PIK3C2G: variants seen among roughly 807,000 people sequenced by gnomAD.
The protein encoded by PIK3C2G is phosphatidylinositol 3-kinase C2 domain-containing subunit gamma.
Under a neutral mutation model 181.1 loss-of-function variants are expected in PIK3C2G, and 168 were observed. The ratio of observed to expected loss-of-function variants is 0.93; its 90% CI spans 0.82 to 1.05. The LOEUF is 1.05. PIK3C2G is among the 50% of genes least tolerant of loss of function. The probability of loss-of-function intolerance (pLI) is 0.00; values close to 1 mark genes in which losing one functional copy is unlikely to be tolerated. For missense variants in PIK3C2G, 1,869 were observed against 1,732.8 expected (o/e 1.08, Z -1.40); for synonymous variants, 573 against 592.2 (o/e 0.97, Z 0.47).
intron 24 of PIK3C2G, among the ~76,000 whole-genome samples, chr12:18,509,345 G>A (rs73064246): frequency 0.063 from 9,546 of 152,282 alleles, 407 homozygotes; most frequent in Middle Eastern, 0.13. Context: ...ACTGCACCCA[G>A]TTACAAAATA....
At chr12:18,683,399 C>A in the PIK3C2G span, 9 of 1,510,984 alleles carry the variant, frequency 6.0e-6, no homozygotes, top group South Asian at 1.1e-5. Context: ...TGCTGAGAAA[C>A]AAGAGCTCTT....
At chr12:18,279,424 G>A (rs1325614487) in intron 1 of PIK3C2G, among the ~76,000 whole-genome samples, 1 of 151,842 alleles carries the variant, frequency 6.6e-6, no homozygotes, top group African/African-American at 2.4e-5. Flanking sequence ...ATCTTTAATT[G>A]CATTATCAGA....
intron 1 of PIK3C2G, among the ~76,000 whole-genome samples, chr12:18,280,996 T>C (rs1434422551): frequency 2.0e-5 from 3 of 151,876 alleles, no homozygotes; most frequent in Admixed American, 2.0e-4. Context: ...GCTGCGTGAA[T>C]AATTGGGTCA....
At chr12:18,547,557 G>T (rs548077398) in intron 26 of PIK3C2G, among the ~76,000 whole-genome samples, 1 of 152,106 alleles carries the variant, frequency 6.6e-6, no homozygotes, top group African/African-American at 2.4e-5. Flanking sequence ...AAGAAACAGT[G>T]TCTGGTCCCT....
intron 18 of PIK3C2G, among the ~76,000 whole-genome samples, chr12:18,464,154 C>T (rs183038081): frequency 1.3e-5 from 2 of 152,142 alleles, no homozygotes; most frequent in Non-Finnish European, 2.9e-5. Flanking sequence ...GTAAAGCTGG[C>T]CTCATATGCC....
the PIK3C2G span, chr12:18,723,640 A>G: frequency 4.2e-6 from 4 of 942,862 alleles, no homozygotes; most frequent in South Asian, 1.5e-5. Flanking sequence ...TTTATACTTG[A>G]AAGAAGATGA....
the PIK3C2G span, among the ~76,000 whole-genome samples, chr12:18,667,442 A>G: frequency 1.3e-5 from 2 of 152,190 alleles, no homozygotes; most frequent in East Asian, 3.9e-4. Flanking sequence ...AGTCAATATT[A>G]TAGTCTTTGA....
At chr12:18,368,411 G>C (rs907099825) in intron 12 of PIK3C2G, among the ~76,000 whole-genome samples, 23 of 152,194 alleles carry the variant, frequency 1.5e-4, no homozygotes, top group African/African-American at 5.5e-4. Context: ...ATGCATCTTA[G>C]TCAATAGGGT....
chr12:18,388,641 C>T (rs7973456), intron 14 of PIK3C2G, among the ~76,000 whole-genome samples: 22,189 of 152,210 alleles, frequency 0.15, 2,058 homozygotes, highest in South Asian at 0.37. Flanking sequence ...CTGACAGAAT[C>T]ATGGGAACCC....
upstream of PIK3C2G, among the ~76,000 whole-genome samples, chr12:18,260,603 C>T (rs1948207665): frequency 6.6e-6 from 1 of 151,938 alleles, no homozygotes; most frequent in Non-Finnish European, 1.5e-5. Context: ...TGATATAATT[C>T]TCAACTTTCT....
At chr12:18,249,890 G>A (rs892851025) in intron 1 of PIK3C2G, among the ~76,000 whole-genome samples, 3 of 150,938 alleles carry the variant, frequency 2.0e-5, no homozygotes, top group African/African-American at 7.3e-5. Context: ...ATCTTAACTC[G>A]AATAAGCTTC....
the PIK3C2G span, among the ~76,000 whole-genome samples, chr12:18,656,699 C>A: frequency 6.6e-6 from 1 of 151,968 alleles, no homozygotes; most frequent in Non-Finnish European, 1.5e-5. Flanking sequence ...CATGCCACTG[C>A]ACTCCAGCCT....
At chr12:18,319,164 A>G (rs959389150) in intron 6 of PIK3C2G, among the ~76,000 whole-genome samples, 2 of 152,170 alleles carry the variant, frequency 1.3e-5, no homozygotes, top group Non-Finnish European at 2.9e-5. Context: ...TAAAGCTGCT[A>G]CCTTGATTAG....
the PIK3C2G span, among the ~76,000 whole-genome samples, chr12:18,656,210 T>C: frequency 6.6e-6 from 1 of 152,046 alleles, no homozygotes; most frequent in African/African-American, 2.4e-5. Flanking sequence ...GGAAGCATCA[T>C]TTGAGCTCAG....
Position 18,282,442 on chromosome 12 carries a change from A to G in PIK3C2G, c.361A>G (p.Asn121Asp), listed in dbSNP as rs372722677. ...PSVLPKPQNT[N>D]KECSWGSPIG... ...TGTGTTACCAAAACCTCAAAATACG[A>G]ATAAAGAATGCTCCTGGGGAAGCCC... The change falls in exon 2 of 33, where the codon AAT becomes GAT. Residue 121 changes from asparagine to aspartate, a missense_variant. Transcript: ENST00000538779. 236 of 1,608,320 alleles carry G rather than the reference A, an allele frequency of 1.5e-4. No individual in the cohort carries two copies. Among genetic ancestry groups the G allele is most frequent in the Non-Finnish European group, 1.9e-4 (225 of 1,177,178 alleles).
intron 9 of PIK3C2G, among the ~76,000 whole-genome samples, chr12:18,343,091 C>CT (rs1168453275): frequency 6.6e-6 from 1 of 151,928 alleles, no homozygotes; most frequent in Non-Finnish European, 1.5e-5. Context: ...GTGGTAATTT[C>CT]TTTTTAAAAA....
intron 30 of PIK3C2G, among the ~76,000 whole-genome samples, chr12:18,605,989 C>T (rs560686604): frequency 7.2e-5 from 11 of 152,182 alleles, no homozygotes; most frequent in South Asian, 4.1e-4. Flanking sequence ...TGATTGAATG[C>T]GTTACTGTAC....
intron 24 of PIK3C2G, among the ~76,000 whole-genome samples, chr12:18,524,095 G>C (rs1191124571): frequency 1.3e-5 from 2 of 152,134 alleles, no homozygotes; most frequent in Non-Finnish European, 2.9e-5. Context: ...ATGAGCCCAG[G>C]TGGTTTAACC....
At chr12:18,319,084 C>CA (rs34473620) in intron 6 of PIK3C2G, among the ~76,000 whole-genome samples, 23,238 of 148,552 alleles carry the variant, frequency 0.16, 2,177 homozygotes, top group South Asian at 0.36. Flanking sequence ...GACTCTGTCT[C>CA]AAAAAAAAAT....
Sources: allele counts gnomAD v4.1 joint callset (sites outside exome capture counted in the v4.1 genomes callset), GRCh38; gene constraint gnomAD v4.1.1; transcripts MANE v1.5; gene names NCBI Gene and HGNC (gene_info 2026-07-23, HGNC 2026-07-21).